The following APBB1IP variants were observed in gnomAD, a reference collection of about 807,000 sequenced individuals.
APBB1IP encodes the protein amyloid beta A4 precursor protein-binding family B member 1-interacting protein.
In APBB1IP, 27 loss-of-function variants were observed where a neutral mutation model predicts 64.9. That is an observed-to-expected ratio of 0.42 (90% CI 0.31 to 0.57). The LOEUF is 0.57. Among genes scored for constraint, APBB1IP ranks in the 20% least tolerant of loss-of-function variants. The probability of loss-of-function intolerance (pLI) is 0.20; values close to 1 mark genes in which losing one functional copy is unlikely to be tolerated. For synonymous variants in APBB1IP, 392 were observed against 331.0 expected (o/e 1.18, Z -2.00); for missense variants, 812 against 845.5 (o/e 0.96, Z 0.49).
At chr10:26,540,436 G>A (rs1406987287) in intron 10 of APBB1IP, among the ~76,000 whole-genome samples, 1 of 152,004 alleles carries the variant, frequency 6.6e-6, no homozygotes, top group Admixed American at 6.6e-5. Context: ...TATTAACTAT[G>A]GTACCTTTGG....
chr10:26,562,047 G>T, intron 13 of APBB1IP: 1 of 303,460 alleles, frequency 3.3e-6, no homozygotes, highest in South Asian at 3.6e-5. Context: ...TCCTCAGTGG[G>T]CTTTATCAAA....
At chr10:26,502,131 A>G (rs886923629) in intron 5 of APBB1IP, among the ~76,000 whole-genome samples, 1 of 152,202 alleles carries the variant, frequency 6.6e-6, no homozygotes, top group African/African-American at 2.4e-5. Flanking sequence ...TGGCTCAAAA[A>G]CAATTTGAGA....
At chr10:26,480,946 CAG>C (rs1352651186) in intron 2 of APBB1IP, among the ~76,000 whole-genome samples, 1 of 152,016 alleles carries the variant, frequency 6.6e-6, no homozygotes, top group Non-Finnish European at 1.5e-5. Flanking sequence ...ACATGATAAA[CAG>C]AGTATTTTCT....
intron 8 of APBB1IP, among the ~76,000 whole-genome samples, chr10:26,524,941 C>CTT (rs1836451464): frequency 2.0e-5 from 2 of 98,018 alleles, no homozygotes; most frequent in East Asian, 4.0e-4. Flanking sequence ...CTTTTTCTTT[C>CTT]TCTTTCTTTC....
chr10:26,536,151 C>A lies in APBB1IP; in HGVS notation c.978C>A (p.Ser326=). The A allele has an allele frequency of 6.2e-7, 1 of 1,608,342 alleles. No homozygotes were observed. Among genetic ancestry groups the A allele is most frequent in the South Asian group, 1.1e-5 (1 of 90,152 alleles). The change falls in exon 10 of 15, where the codon TCC becomes TCA. Residue 326 remains serine, a synonymous_variant. Coordinates refer to ENST00000376236, the MANE Select transcript of APBB1IP (RefSeq NM_019043.4). ...ALYLKEDGKK[S]WKRRYFLLRA... ...ATTTGAAAGAAGATGGAAAGAAATC[C>A]TGGAAAAGGCGCTATTTTCTTTTAC...
rs568037722 is a variant in APBB1IP, at chr10:26,539,036, T to C, written c.1045-2546T>C. Among the ~76,000 whole-genome samples the C allele has an allele frequency of 1.5e-4, 23 of 152,348 alleles. No homozygotes were observed. In the South Asian group the frequency reaches 4.8e-3, roughly 32 times the overall value. On this transcript the variant is annotated intron_variant, in intron 10 of 14. Coordinates refer to ENST00000376236, the MANE Select transcript of APBB1IP (RefSeq NM_019043.4). ...TGTATATCCATTTAGAAATATAATT[T>C]CCTACCTCATTCCATGTACCAAACT...
Position 26,513,617 on chromosome 10 carries a change from T to G in APBB1IP, c.770T>G (p.Phe257Cys). The change falls in exon 8 of 15, where the codon TTT (phenylalanine) becomes TGT (cysteine). Residue 257 changes from phenylalanine to cysteine, a missense_variant. Physicochemically the swap from Phe to Cys is radical, Grantham distance 205 (BLOSUM62 -2). This residue lies in a region of APBB1IP where 394 missense variants were observed against 413.1 expected (regional missense o/e 0.95). Transcript: ENST00000376236. Reference protein sequence around the residue: ...WTRDTENKILFLEKEEKYAVF... With the variant: ...WTRDTENKILCLEKEEKYAVF... The stretch of plus-strand genomic sequence containing the variant: ...AGAGACACAGAAAATAAAATACTAT[T>G]TTTGGAGAAAGAGGAGAAATATGCT... 1.2e-6 allele frequency: 2 copies of G among 1,613,396 alleles called. No individual in the cohort carries two copies. The highest frequency in any genetic ancestry group is 1.7e-6 in the Non-Finnish European group (2 of 1,179,812).
intron 14 of APBB1IP, among the ~76,000 whole-genome samples, chr10:26,562,735 G>A (rs1040721006): frequency 7.2e-5 from 11 of 152,008 alleles, no homozygotes; most frequent in African/African-American, 9.6e-5. Context: ...AGGTTAAGGC[G>A]GCAGTGATCT....
At chr10:26,551,516 C>T (rs1374361103) in intron 11 of APBB1IP, among the ~76,000 whole-genome samples, 1 of 152,106 alleles carries the variant, frequency 6.6e-6, no homozygotes, top group Non-Finnish European at 1.5e-5. Context: ...GGATAGAAGC[C>T]GTTCCTTCAT....
At chr10:26,464,040 T>A (rs1383173341) in intron 2 of APBB1IP, among the ~76,000 whole-genome samples, 1 of 152,188 alleles carries the variant, frequency 6.6e-6, no homozygotes, top group African/African-American at 2.4e-5. Context: ...TGGATTCCCA[T>A]CCTTGCTGAC....
At chr10:26,565,522 G>A (rs896629864) in intron 14 of APBB1IP, among the ~76,000 whole-genome samples, 1 of 152,214 alleles carries the variant, frequency 6.6e-6, no homozygotes, top group Non-Finnish European at 1.5e-5. Context: ...TTCCAAGGAA[G>A]TGATACTCAT....
chr10:26,511,684 C>G, intron 6 of APBB1IP, 63 bp from the exon 7 acceptor site: 2 of 1,582,312 alleles, frequency 1.3e-6, no homozygotes, highest in Non-Finnish European at 1.7e-6. Flanking sequence ...CTTTGAAACC[C>G]TCATCTTAGT....
rs1348950101 is a variant in APBB1IP at position 26,541,572 on chromosome 10, T to C, written c.1045-10T>C. On this transcript the variant is annotated splice_polypyrimidine_tract_variant and intron_variant, in intron 10 of 14. Transcript: ENST00000376236. ...TCAGTTGAAGTTTTATTTTTTTCCCTGTCTTTCAGACATCTCGAGATCTGG... is the reference window on the plus strand; with the variant it reads ...TCAGTTGAAGTTTTATTTTTTTCCCCGTCTTTCAGACATCTCGAGATCTGG... 6.3e-7 allele frequency: 1 copy of C among 1,592,242 alleles called. No individual in the cohort carries two copies. Among genetic ancestry groups the C allele is most frequent in the Non-Finnish European group, 8.6e-7 (1 of 1,163,414 alleles).
chr10:26,461,007 G>A (rs1441731779), intron 2 of APBB1IP, among the ~76,000 whole-genome samples: 2 of 152,062 alleles, frequency 1.3e-5, no homozygotes, highest in South Asian at 2.1e-4. Flanking sequence ...CTAATCACAG[G>A]TAGAATCCTA....
chr10:26,453,196 G>A (rs1012956094), intron 2 of APBB1IP, among the ~76,000 whole-genome samples: 6 of 152,228 alleles, frequency 3.9e-5, no homozygotes, highest in Non-Finnish European at 8.8e-5. Flanking sequence ...GAATGGAGCT[G>A]TAGGTCTTGA....
chr10:26,519,580 A>T (rs1836378113), intron 8 of APBB1IP, among the ~76,000 whole-genome samples: 1 of 152,164 alleles, frequency 6.6e-6, no homozygotes, highest in Non-Finnish European at 1.5e-5. Context: ...GACTTCCAAC[A>T]CTGGGGATTA....
chr10:26,507,073 A>G (rs1188311611), intron 6 of APBB1IP, among the ~76,000 whole-genome samples: 3 of 152,182 alleles, frequency 2.0e-5, no homozygotes, highest in Non-Finnish European at 2.9e-5. Flanking sequence ...AACTGAGGAC[A>G]GAGAGGCAGC....
intron 3 of APBB1IP, among the ~76,000 whole-genome samples, chr10:26,495,533 C>T (rs1385536510): frequency 2.6e-5 from 4 of 151,168 alleles, no homozygotes; most frequent in Non-Finnish European, 5.9e-5. Context: ...CTTTAGGAGG[C>T]CAAGACAGGA....
intron 4 of APBB1IP, among the ~76,000 whole-genome samples, chr10:26,500,241 A>G (rs1836080209): frequency 6.6e-6 from 1 of 151,880 alleles, no homozygotes; most frequent in African/African-American, 2.4e-5. Flanking sequence ...GAAAGAAAAA[A>G]GAAAAGAAAA....
Sources: gnomAD v4.1 joint callset for allele counts (sites outside exome capture counted in the v4.1 genomes callset) on GRCh38, gnomAD v4.1.1 for gene constraint, gnomAD v4.1.1 regional missense constraint, MANE v1.5 for transcripts, NCBI Gene and HGNC (gene_info 2026-07-23, HGNC 2026-07-21) for gene names.